EED: variants seen among roughly 807,000 people sequenced by gnomAD.
The protein encoded by EED is polycomb protein EED.
A neutral mutation model predicts 61.0 loss-of-function variants in EED; 9 were observed. The ratio of observed to expected loss-of-function variants is 0.15; its 90% CI spans 0.09 to 0.26. The LOEUF (loss-of-function observed/expected upper bound fraction) is 0.26, where lower values mean the gene tolerates loss of function less well. Among genes scored for constraint, EED ranks in the 10% least tolerant of loss-of-function variants. EED has a pLI of 1.00. For missense variants in EED, 315 were observed against 542.3 expected (o/e 0.58, Z 4.16); for synonymous variants, 187 against 174.4 (o/e 1.07, Z -0.57).
chr11:86,260,086 G>T (rs1363193588), intron 6 of EED, among the ~76,000 whole-genome samples: 2 of 152,098 alleles, frequency 1.3e-5, no homozygotes. Flanking sequence ...TGAAATCAAG[G>T]AATCATTTTT....
chr11:86,269,933 A>G (rs950626220), intron 9 of EED: 1 of 549,092 alleles, frequency 1.8e-6, no homozygotes, highest in African/African-American at 1.9e-5. Flanking sequence ...GTTCTGGGCT[A>G]TTGCAAATAA....
Position 86,266,176 on chromosome 11 carries a change from A to G in EED, c.820A>G (p.Ile274Val), listed in dbSNP as rs367891435. The part of the protein sequence containing the change: ...RINSKRMMNA[I>V]KESYDYNPNK... ...CAATTCAAAGAGAATGATGAATGCA[A>G]TTAAGGAATCTTATGATTATAATCC... The change falls in exon 8 of 12, where the codon ATT becomes GTT. Residue 274 changes from isoleucine to valine, a missense_variant. Around this residue, in one of 2 missense-constraint regions of EED, gnomAD observed 205 missense variants for 455.4 expected, o/e 0.45. Coordinates refer to ENST00000263360, the MANE Select transcript of EED (RefSeq NM_003797.5). The G allele has an allele frequency of 1.1e-4, 179 of 1,604,584 alleles. No individual in the cohort carries two copies. The highest frequency in any genetic ancestry group is 2.4e-4 in the Admixed American group (14 of 59,532).
rs1426730613 is a variant in EED at position 86,261,563 on chromosome 11, GT to G, written c.635-2608del. The stretch of plus-strand genomic sequence containing the variant: ...CCCCATGGCTCCACCAGGTGTTGCT[GT>G]AGTAGGAACTGCTGTGTGGCTCTGC... On this transcript the variant is annotated intron_variant, in intron 6 of 11. Transcript: ENST00000263360. 3.9e-5 allele frequency among the ~76,000 whole-genome samples: 6 copies of G among 152,362 alleles called. No individual in the cohort carries two copies. In the East Asian group the frequency reaches 9.6e-4, roughly 24 times the overall value.
At position 86,268,567 on chromosome 11, in the gene EED, G is replaced by T; in HGVS notation, c.966+6G>T. 1 of 1,581,022 alleles carries T rather than the reference G, an allele frequency of 6.3e-7. No homozygotes were observed. Among genetic ancestry groups the T allele is most frequent in the Non-Finnish European group, 8.7e-7 (1 of 1,153,594 alleles). On this transcript the variant is annotated splice_donor_region_variant and intron_variant, in intron 9 of 11. Transcript: ENST00000263360. ...GCGATTTGATACTTTCTAAGGTATG[G>T]TAACTGCAGTTAAGCTGTACTTCCA...
intron 1 of EED, 70 bp downstream of exon 1, chr11:86,245,413 C>A: frequency 8.0e-7 from 1 of 1,257,768 alleles, no homozygotes; most frequent in Non-Finnish European, 1.1e-6. Flanking sequence ...ACGGGGGGCG[C>A]GGGGACGAGC....
chr11:86,268,660 C>T, intron 9 of EED, 99 bp downstream of exon 9: 1 of 703,166 alleles, frequency 1.4e-6, no homozygotes, highest in Non-Finnish European at 2.2e-6. Flanking sequence ...TGGCAGGGAG[C>T]ACTTTATGTA....
Position 86,266,323 on chromosome 11 carries a change from C to T in EED, c.860+107C>T. On this transcript the variant is annotated intron_variant, in intron 8 of 11. Coordinates refer to ENST00000263360, the MANE Select transcript of EED (RefSeq NM_003797.5). ...AGCCCCAACAATGAGTTTAGAAGAC[C>T]TTCTTTTAACTTTAAGGGACAATTT... 5 of 942,020 alleles carry T rather than the reference C, an allele frequency of 5.3e-6. No homozygotes were observed. In the South Asian group the frequency reaches 1.0e-4, roughly 19 times the overall value. The allele number at this position is 942,020 out of a possible 1,614,324, so 58.4% of individuals were successfully genotyped here.
At chr11:86,257,483 A>G in intron 5 of EED, 32 bp from the exon 6 acceptor site, 1 of 1,540,268 alleles carries the variant, frequency 6.5e-7, no homozygotes, top group Non-Finnish European at 8.8e-7. Context: ...ATTTTGAGAT[A>G]GGAAACTTGA....
chr11:86,254,655 CT>C (rs1346983265), intron 3 of EED, among the ~76,000 whole-genome samples: 2 of 150,676 alleles, frequency 1.3e-5, no homozygotes, highest in African/African-American at 4.9e-5. Context: ...CAGAGTTTCG[CT>C]TTTGTTGCCA....
chr11:86,262,873 A>G (rs1945869647), intron 6 of EED, among the ~76,000 whole-genome samples: 2 of 149,086 alleles, frequency 1.3e-5, no homozygotes, highest in African/African-American at 5.0e-5. Context: ...GTGCAGTGGC[A>G]TGATCATAGC....
intron 9 of EED, among the ~76,000 whole-genome samples, chr11:86,275,094 C>T (rs780252465): frequency 6.6e-6 from 1 of 152,102 alleles, no homozygotes; most frequent in Non-Finnish European, 1.5e-5. Context: ...TCTCTCTTAT[C>T]TAGTCTGGAA....
At chr11:86,258,163 TA>T (rs58605476) in intron 6 of EED, among the ~76,000 whole-genome samples, 41,097 of 151,728 alleles carry the variant, frequency 0.27, 6,090 homozygotes, top group Non-Finnish European at 0.35. Flanking sequence ...AAAGCCAAAT[TA>T]AAAAAAAGGT....
downstream of EED, among the ~76,000 whole-genome samples, chr11:86,283,217 G>C (rs1350217798): frequency 6.6e-6 from 1 of 152,094 alleles, no homozygotes; most frequent in Non-Finnish European, 1.5e-5. Context: ...TATAATCAAA[G>C]ATCACCAGAT....
At position 86,266,091 on chromosome 11, in the gene EED, T is replaced by C; in HGVS notation, c.735T>C (p.Asp245=). ...HRDEVLSADY[D]LLGEKIMSCG... is the part of the protein sequence containing the mutation. ...TTTGGTTTTGCATACAGGATTATGA[T>C]CTTTTGGGTGAAAAAATAATGTCCT... The change falls in exon 8 of 12, where the codon GAT becomes GAC. Residue 245 remains aspartate, a synonymous_variant. Coordinates refer to ENST00000263360, the MANE Select transcript of EED (RefSeq NM_003797.5). 1 of 1,594,328 alleles carries C rather than the reference T, an allele frequency of 6.3e-7. No individual in the cohort carries two copies. The highest frequency in any genetic ancestry group is 8.5e-7 in the Non-Finnish European group (1 of 1,171,946).
intron 1 of EED, among the ~76,000 whole-genome samples, chr11:86,248,547 G>C (rs2138126988): frequency 6.6e-6 from 1 of 152,344 alleles, no homozygotes; most frequent in South Asian, 2.1e-4. Flanking sequence ...ATGTTATACA[G>C]TAATGGTTAA....
At chr11:86,280,372 A>G (rs997785294), downstream of EED, among the ~76,000 whole-genome samples, 16 of 152,176 alleles carry the variant, frequency 1.1e-4, no homozygotes, top group African/African-American at 3.6e-4. Flanking sequence ...CAGGCCAGTT[A>G]TCAGCCACAT....
intron 8 of EED, 126 bp downstream of exon 8, chr11:86,266,342 A>G: frequency 1.3e-6 from 1 of 792,798 alleles, no homozygotes; most frequent in Admixed American, 3.0e-5. Context: ...ACTTTAAGGG[A>G]CAATTTACAT....
rs535161509 is a variant in EED, at chr11:86,244,810, G to C, written c.-420G>C. ...CGGAGATCGAAGGAACGGGCCAATT[G>C]CGGCTGAAACGTCTTTGGAAGGAGG... On this transcript the variant is annotated 5_prime_UTR_variant, in exon 1 of 12. Coordinates refer to ENST00000263360, the MANE Select transcript of EED (RefSeq NM_003797.5). 12 of 238,670 alleles carry C rather than the reference G, an allele frequency of 5.0e-5. No homozygotes were observed. Among genetic ancestry groups the C allele is most frequent in the African/African-American group, 2.7e-4 (12 of 45,270 alleles). The allele number at this position is 238,670 out of a possible 1,614,324, so 14.8% of individuals were successfully genotyped here.
the EED span, among the ~76,000 whole-genome samples, chr11:86,285,052 G>A: frequency 7.9e-5 from 12 of 151,966 alleles, no homozygotes; most frequent in Non-Finnish European, 1.8e-4. Context: ...CAGAGGTTGC[G>A]GTGAGCTGAG....
Sources: gnomAD v4.1 joint callset for allele counts (sites outside exome capture counted in the v4.1 genomes callset) on GRCh38, gnomAD v4.1.1 for gene constraint, gnomAD v4.1.1 regional missense constraint, MANE v1.5 for transcripts, NCBI Gene and HGNC (gene_info 2026-07-23, HGNC 2026-07-21) for gene names.